Variants in PRKAR1A observed in about 807,000 individuals in gnomAD.
The protein encoded by PRKAR1A is protein kinase cAMP-dependent type I regulatory subunit alpha.
Under a neutral mutation model 52.0 loss-of-function variants are expected in PRKAR1A, and 3 were observed. The observed-to-expected ratio is 0.06, with a 90% CI of 0.03 to 0.15. The LOEUF (loss-of-function observed/expected upper bound fraction) is 0.15. Among genes scored for constraint, PRKAR1A ranks in the 10% least tolerant of loss-of-function variants. The pLI is 1.00. For missense variants in PRKAR1A, 240 were observed against 477.4 expected, an observed-to-expected ratio of 0.50 and a Z score of 4.63; for synonymous variants, 188 against 168.4, an observed-to-expected ratio of 1.12 and a Z score of -0.90.
rs553029203 is a variant in PRKAR1A, at chr17:68,522,639, T to G, written c.178-117T>G. On this transcript the variant is annotated intron_variant, in intron 2 of 10. Coordinates refer to ENST00000589228, the MANE Select transcript of PRKAR1A (RefSeq NM_002734.5). ...TGGAATTGGTGTTTTCCTCTTAACT[T>G]ACATTGTTAATGGAAGAAGAGATTG... 7 of 1,181,908 alleles carry G rather than the reference T, an allele frequency of 5.9e-6. No homozygotes were observed. In the African/African-American group the frequency reaches 9.0e-5, roughly 15 times the overall value. The allele number at this position is 1,181,908 out of a possible 1,614,324, so 73.2% of individuals were successfully genotyped here. A position where few individuals can be genotyped will look rare whatever the true frequency, so the allele number is the denominator to read the frequency against.
the PRKAR1A span, among the ~76,000 whole-genome samples, chr17:68,473,457 A>C: frequency 5.9e-5 from 9 of 152,292 alleles, no homozygotes; most frequent in East Asian, 1.7e-3. Flanking sequence ...AAAACTACTG[A>C]TCTAGCTACA....
At chr17:68,453,040 A>G in the PRKAR1A span, 2 of 1,509,042 alleles carry the variant, frequency 1.3e-6, no homozygotes, top group Non-Finnish European at 1.8e-6. Flanking sequence ...TATTCTAACA[A>G]CAGATCTGTC....
At chr17:68,468,157 C>T in the PRKAR1A span, among the ~76,000 whole-genome samples, 1 of 152,132 alleles carries the variant, frequency 6.6e-6, no homozygotes, top group Non-Finnish European at 1.5e-5. Context: ...TGGGGCCAAT[C>T]ATGCAGATGA....
At chr17:68,436,295 C>A in the PRKAR1A span, 31 of 1,250,060 alleles carry the variant, frequency 2.5e-5, no homozygotes, top group Non-Finnish European at 3.4e-5. Context: ...CTCCAGCCCC[C>A]GACGGCAGGG....
At chr17:68,535,675 T>A (rs1438150528), downstream of PRKAR1A, 1 of 447,494 alleles carries the variant, frequency 2.2e-6, no homozygotes, top group Non-Finnish European at 4.4e-6. Flanking sequence ...AAAAATTTTT[T>A]TTTTTTTGTA....
chr17:68,415,142 T>C, the PRKAR1A span, among the ~76,000 whole-genome samples: 1 of 152,130 alleles, frequency 6.6e-6, no homozygotes, highest in Non-Finnish European at 1.5e-5. Context: ...CTTTCAGTCT[T>C]TTTGATGTAG....
chr17:68,518,048 T>A (rs1458377381), intron 2 of PRKAR1A, among the ~76,000 whole-genome samples: 2 of 152,242 alleles, frequency 1.3e-5, no homozygotes, highest in Non-Finnish European at 2.9e-5. Context: ...TGTCTCACAT[T>A]CAGGGCACAC....
chr17:68,520,479 A>G (rs1433961564), intron 2 of PRKAR1A, among the ~76,000 whole-genome samples: 1 of 152,178 alleles, frequency 6.6e-6, no homozygotes, highest in Non-Finnish European at 1.5e-5. Context: ...ATTGATATAT[A>G]ACATTTGTAT....
the PRKAR1A span, chr17:68,436,295 C>T: frequency 1.6e-5 from 20 of 1,250,058 alleles, no homozygotes; most frequent in Admixed American, 6.9e-5. Context: ...CTCCAGCCCC[C>T]GACGGCAGGG....
At chr17:68,493,846 C>T in the PRKAR1A span, among the ~76,000 whole-genome samples, 1 of 152,108 alleles carries the variant, frequency 6.6e-6, no homozygotes, top group Non-Finnish European at 1.5e-5. Context: ...CCTGCCTTGG[C>T]CTCCCAAAGT....
downstream of PRKAR1A, chr17:68,536,054 C>A (rs1184114802): frequency 6.6e-6 from 3 of 453,968 alleles, no homozygotes; most frequent in African/African-American, 6.0e-5. Flanking sequence ...CTGGTCAGAT[C>A]TCAGTGAATG....
chr17:68,496,759 G>A, the PRKAR1A span, among the ~76,000 whole-genome samples: 1 of 151,762 alleles, frequency 6.6e-6, no homozygotes, highest in Non-Finnish European at 1.5e-5. Flanking sequence ...TCTAAAAGAA[G>A]GGGTCAACAA....
intron 11 of PRKAR1A, among the ~76,000 whole-genome samples, chr17:68,543,320 A>AT (rs1230257336): frequency 3.3e-5 from 5 of 152,172 alleles, no homozygotes; most frequent in African/African-American, 1.2e-4. Flanking sequence ...CCTTGGATAA[A>AT]TAGGAGTGGG....
chr17:68,427,301 A>C, the PRKAR1A span: 35 of 1,407,846 alleles, frequency 2.5e-5, no homozygotes, highest in Admixed American at 2.2e-4. Context: ...AAATCATCAT[A>C]TATCTAGGAC....
chr17:68,548,069 T>C (rs145708174), intron 11 of PRKAR1A, among the ~76,000 whole-genome samples: 117 of 152,150 alleles, frequency 7.7e-4, no homozygotes, highest in African/African-American at 2.5e-3. Context: ...CTGGGAGAGA[T>C]TGGGGGAACA....
intron 7 of PRKAR1A, among the ~76,000 whole-genome samples, chr17:68,527,280 A>G (rs1379782777): frequency 6.6e-6 from 1 of 152,108 alleles, no homozygotes; most frequent in African/African-American, 2.4e-5. Flanking sequence ...TCCTTTTTTT[A>G]TAGAATAAAG....
the PRKAR1A span, chr17:68,444,581 C>T: frequency 6.2e-7 from 1 of 1,613,256 alleles, no homozygotes. Context: ...CTAGGCAAAC[C>T]AGCAGCCTCT....
At chr17:68,464,500 G>C in the PRKAR1A span, among the ~76,000 whole-genome samples, 2 of 152,144 alleles carry the variant, frequency 1.3e-5, no homozygotes, top group Non-Finnish European at 2.9e-5. Flanking sequence ...GGCCAACACG[G>C]TGAAACCCCG....
the PRKAR1A span, chr17:68,450,973 C>T: frequency 6.5e-6 from 10 of 1,528,606 alleles, no homozygotes; most frequent in Non-Finnish European, 8.8e-6. Context: ...TGACACTGGG[C>T]CCGGCGCAGG....
Sources: gnomAD v4.1 joint callset for allele counts (sites outside exome capture counted in the v4.1 genomes callset) on GRCh38, gnomAD v4.1.1 for gene constraint, MANE v1.5 for transcripts, NCBI Gene and HGNC (gene_info 2026-07-23, HGNC 2026-07-21) for gene names.